Variants in NOX4 observed in about 807,000 individuals in gnomAD.
NOX4 encodes the protein kidney oxidase-1.
In NOX4, 69 loss-of-function variants were observed where a neutral mutation model predicts 87.6. That is an observed-to-expected ratio of 0.79 (90% confidence interval 0.65 to 0.96). The LOEUF (loss-of-function observed/expected upper bound fraction) is 0.96. Among genes scored for constraint, NOX4 ranks in the 40% least tolerant of loss-of-function variants. The pLI is 0.00. For missense variants in NOX4, 680 were observed against 681.5 expected, an observed-to-expected ratio of 1.00 and a Z score of 0.02; for synonymous variants, 275 against 238.2, an observed-to-expected ratio of 1.15 and a Z score of -1.42.
At chr11:89,357,022 A>G (rs1938116756) in intron 12 of NOX4, among the ~76,000 whole-genome samples, 1 of 152,174 alleles carries the variant, frequency 6.6e-6, no homozygotes, top group African/African-American at 2.4e-5. Context: ...ACTGAAGGTG[A>G]GCATTTCCAC....
At chr11:89,437,758 T>G (rs1944153360) in intron 6 of NOX4, among the ~76,000 whole-genome samples, 1 of 152,092 alleles carries the variant, frequency 6.6e-6, no homozygotes, top group Non-Finnish European at 1.5e-5. Flanking sequence ...AAATAAACTA[T>G]TCTACAACAC....
At position 89,402,322 on chromosome 11, in the gene NOX4, T is replaced by C. The variant is rs767449870; in HGVS notation, c.846+4A>G. 6.2e-6 allele frequency: 10 copies of C among 1,608,510 alleles called. No homozygotes were observed. Among genetic ancestry groups the C allele is most frequent in the East Asian group, 2.2e-5 (1 of 44,722 alleles). Reference sequence around the variant, plus strand: ...GTGGAGATCAAACACAAAATTAATCTGACCTGTGGAAAATTAGCTTGGAAT... The same window carrying C: ...GTGGAGATCAAACACAAAATTAATCCGACCTGTGGAAAATTAGCTTGGAAT... On this transcript the variant is annotated splice_donor_region_variant and intron_variant, in intron 9 of 17. Transcript: ENST00000263317.
Position 89,490,511 on chromosome 11 carries a change from A to C in NOX4, c.100T>G (p.Phe34Val). ...SMNVLLFWKTFLLYNQGPEYH... is the reference protein window; with the variant it reads ...SMNVLLFWKTVLLYNQGPEYH... ...TCTGGCCCTTGGTTATACAGCAAGA[A>C]GGTTTTCCAGAAAAGCAGGACATTC... is the stretch of plus-strand genomic sequence containing the variant. The change falls in exon 2 of 18, where the codon TTC becomes GTC. Residue 34 changes from phenylalanine to valine, a missense_variant. By Grantham distance (50) the Phe-to-Val change is conservative. Coordinates refer to ENST00000263317, the MANE Select transcript of NOX4 (RefSeq NM_016931.5). 1.2e-6 allele frequency: 2 copies of C among 1,614,110 alleles called. No individual in the cohort carries two copies. Among genetic ancestry groups the C allele is most frequent in the Non-Finnish European group, 1.7e-6 (2 of 1,179,978 alleles).
At chr11:89,526,367 A>G in the NOX4 span, among the ~76,000 whole-genome samples, 1 of 152,212 alleles carries the variant, frequency 6.6e-6, no homozygotes, top group African/African-American at 2.4e-5. Flanking sequence ...CACCACAAGC[A>G]TTGCTACTTC....
In NOX4 at chr11:89,490,471, T is replaced by C. The variant is rs1946804303; in HGVS notation, c.140A>G (p.His47Arg). 1 of 1,612,080 alleles carries C rather than the reference T, an allele frequency of 6.2e-7. No individual in the cohort carries two copies. ...YNQGPEYHYL[H>R]QMLGLGLCLS... is the part of the protein sequence containing the mutation. ...CACCTTACTTACCCCCAACATCTGG[T>C]GGAGGTAGTGATACTCTGGCCCTTG... The change falls in exon 2 of 18, where the codon CAC becomes CGC. Residue 47 changes from histidine (H) to arginine (R), a missense_variant. By Grantham distance (29) the His-to-Arg change is conservative. Transcript: ENST00000263317.
intron 12 of NOX4, among the ~76,000 whole-genome samples, chr11:89,372,191 T>C (rs1252611051): frequency 6.6e-6 from 1 of 151,272 alleles, no homozygotes. Flanking sequence ...CTCCACTGCC[T>C]CCTTCCCCTC....
the NOX4 span, among the ~76,000 whole-genome samples, chr11:89,567,493 C>T: frequency 6.6e-6 from 1 of 152,198 alleles, no homozygotes; most frequent in African/African-American, 2.4e-5. Flanking sequence ...GTTTAGTTGA[C>T]TCACAGTTTT....
At chr11:89,533,306 C>T in the NOX4 span, among the ~76,000 whole-genome samples, 1,546 of 151,782 alleles carry the variant, frequency 0.01, 49 homozygotes, top group East Asian at 0.12. Context: ...ATCAGTCTTC[C>T]TTCCATTTTT....
intron 2 of NOX4, among the ~76,000 whole-genome samples, chr11:89,460,841 G>A (rs945741118): frequency 6.6e-6 from 1 of 151,890 alleles, no homozygotes; most frequent in Non-Finnish European, 1.5e-5. Context: ...TCATGCTGCT[G>A]TAAAGACACA....
At chr11:89,337,954 A>T (rs1945789124) in intron 15 of NOX4, among the ~76,000 whole-genome samples, 1 of 152,054 alleles carries the variant, frequency 6.6e-6, no homozygotes, top group African/African-American at 2.4e-5. Context: ...CAAAACAAAT[A>T]GACACTTTTT....
At chr11:89,400,544 TCAAA>T (rs1264707487) in intron 9 of NOX4, among the ~76,000 whole-genome samples, 165 bp from the exon 10 acceptor site, 3 of 152,084 alleles carry the variant, frequency 2.0e-5, no homozygotes, top group African/African-American at 7.2e-5. Context: ...TCACTATCAT[TCAAA>T]CAAACAAAAG....
intron 6 of NOX4, among the ~76,000 whole-genome samples, chr11:89,438,461 CAT>C: frequency 1.3e-5 from 1 of 75,210 alleles, no homozygotes; most frequent in East Asian, 4.0e-4. Context: ...TAATATACAG[CAT>C]ATATATTATA....
chr11:89,546,321 C>T, the NOX4 span, among the ~76,000 whole-genome samples: 1 of 152,130 alleles, frequency 6.6e-6, no homozygotes, highest in Non-Finnish European at 1.5e-5. Flanking sequence ...TATGAAATTT[C>T]AGCCTCTTAG....
intron 2 of NOX4, among the ~76,000 whole-genome samples, chr11:89,471,168 T>C (rs1343366811): frequency 6.6e-6 from 1 of 152,154 alleles, no homozygotes; most frequent in African/African-American, 2.4e-5. Flanking sequence ...CCTTTCACCA[T>C]ATCTCTCCTA....
chr11:89,437,918 A>G (rs966749832), intron 6 of NOX4, among the ~76,000 whole-genome samples: 5 of 152,140 alleles, frequency 3.3e-5, no homozygotes, highest in Admixed American at 3.3e-4. Flanking sequence ...TACAATAAAT[A>G]CCTAATACAA....
chr11:89,337,981 GC>G (rs1565173506), intron 15 of NOX4, among the ~76,000 whole-genome samples: 2 of 151,812 alleles, frequency 1.3e-5, no homozygotes, highest in African/African-American at 4.8e-5. Context: ...CCTTCCTTCC[GC>G]TTATTCAATA....
chr11:89,559,656 T>C, the NOX4 span, among the ~76,000 whole-genome samples: 38 of 152,236 alleles, frequency 2.5e-4, no homozygotes, highest in Middle Eastern at 0.014. Flanking sequence ...ATGGATGAGT[T>C]TTTAGAATGT....
intron 7 of NOX4, among the ~76,000 whole-genome samples, chr11:89,429,436 A>G (rs1591216172): frequency 6.6e-6 from 1 of 152,166 alleles, no homozygotes; most frequent in African/African-American, 2.4e-5. Context: ...TTTTTTGAAA[A>G]GATCAACAAA....
At chr11:89,363,219 C>T (rs1403562226) in intron 12 of NOX4, among the ~76,000 whole-genome samples, 2 of 151,958 alleles carry the variant, frequency 1.3e-5, no homozygotes, top group African/African-American at 4.8e-5. Flanking sequence ...AACAAACCAA[C>T]AAAGGAAGTC....
Sources: allele counts gnomAD v4.1 joint callset (sites outside exome capture counted in the v4.1 genomes callset), GRCh38; gene constraint gnomAD v4.1.1; transcripts MANE v1.5; gene names NCBI Gene and HGNC (gene_info 2026-07-23, HGNC 2026-07-21).